The following FNDC3B variants were observed in gnomAD, a reference collection of about 807,000 sequenced individuals.
FNDC3B encodes fibronectin type III domain-containing protein 3B.
A neutral mutation model predicts 151.5 loss-of-function variants in FNDC3B; 12 were observed. The ratio of observed to expected loss-of-function variants is 0.08; its 90% CI spans 0.05 to 0.13. The LOEUF is 0.13. Ranked by LOEUF, FNDC3B falls within the 10% of genes least tolerant of loss-of-function variation. FNDC3B has a pLI of 1.00. For missense variants in FNDC3B, 1,214 were observed against 1,505.3 expected (o/e 0.81, Z 3.20); for synonymous variants, 528 against 549.0 (o/e 0.96, Z 0.54).
chr3:172,192,069 T>G (rs188250157), intron 3 of FNDC3B, among the ~76,000 whole-genome samples: 90 of 152,236 alleles, frequency 5.9e-4, no homozygotes, highest in African/African-American at 2.0e-3. Context: ...AACTCAATTT[T>G]AAGTTTACCT....
At chr3:172,161,516 AT>A (rs1182389950) in intron 3 of FNDC3B, among the ~76,000 whole-genome samples, 1 of 152,218 alleles carries the variant, frequency 6.6e-6, no homozygotes, top group East Asian at 1.9e-4. Context: ...CAGACCAAGA[AT>A]TGGAAACAAA....
chr3:172,377,696 G>A (rs1215011443), intron 23 of FNDC3B, among the ~76,000 whole-genome samples: 1 of 152,128 alleles, frequency 6.6e-6, no homozygotes, highest in Admixed American at 6.5e-5. Flanking sequence ...TCTGAACACA[G>A]CATTTTTTTT....
chr3:172,253,759 C>A (rs925076364), intron 6 of FNDC3B, among the ~76,000 whole-genome samples: 3 of 151,762 alleles, frequency 2.0e-5, no homozygotes, highest in Non-Finnish European at 4.4e-5. Context: ...AAGTTGTTCT[C>A]ATGGCCAGAA....
chr3:172,077,800 ATTTGGCATTAACATTTACC>A (rs1454159198), intron 1 of FNDC3B, among the ~76,000 whole-genome samples: 1 of 152,208 alleles, frequency 6.6e-6, no homozygotes, highest in Admixed American at 6.5e-5. Flanking sequence ...CTGGAATAGT[ATTTGGCATTAACATTTACC>A]TAAAAAATTA....
At chr3:172,123,776 T>C (rs945211884) in intron 2 of FNDC3B, among the ~76,000 whole-genome samples, 2 of 152,250 alleles carry the variant, frequency 1.3e-5, no homozygotes, top group Non-Finnish European at 2.9e-5. Context: ...ACTTGATGGC[T>C]TTAGTTATGA....
chr3:172,062,551 T>C (rs1457862502), intron 1 of FNDC3B, among the ~76,000 whole-genome samples: 1 of 152,192 alleles, frequency 6.6e-6, no homozygotes, highest in African/African-American at 2.4e-5. Flanking sequence ...CCCAAAGTGC[T>C]GCGATTACAG....
intron 13 of FNDC3B, among the ~76,000 whole-genome samples, chr3:172,331,554 G>T (rs773114959): frequency 6.6e-6 from 1 of 152,048 alleles, no homozygotes; most frequent in African/African-American, 2.4e-5. Flanking sequence ...TAGAGATGGG[G>T]TTTCACCATG....
At chr3:172,171,384 CTTG>C (rs1723274004) in intron 3 of FNDC3B, among the ~76,000 whole-genome samples, 1 of 151,946 alleles carries the variant, frequency 6.6e-6, no homozygotes, top group African/African-American at 2.4e-5. Flanking sequence ...TCATTTTTTC[CTTG>C]TTGTAGATGT....
chr3:172,330,365 G>GA, intron 12 of FNDC3B, 176 bp from the exon 13 acceptor site: 1 of 523,318 alleles, frequency 1.9e-6, no homozygotes, highest in Non-Finnish European at 3.4e-6. Context: ...ATGGGGTGGG[G>GA]GGATGGGGAA....
rs1736476367 is a variant in FNDC3B at position 172,399,699 on chromosome 3, C to G, written c.*2224C>G. 1 of 152,580 alleles carries G rather than the reference C, an allele frequency of 6.6e-6. No individual in the cohort carries two copies. Among genetic ancestry groups the G allele is most frequent in the Non-Finnish European group, 1.5e-5 (1 of 68,026 alleles). 9.5% of individuals were successfully genotyped at this position (152,580 alleles called of 1,614,324 possible). On this transcript the variant is annotated 3_prime_UTR_variant, in exon 26 of 26. Transcript: ENST00000415807. ...TCTGCATTTTCTAAAAAATTCCATG[C>G]AGGTGTTTTGGGGAGAGGTATTTTT...
chr3:172,141,978 C>T (rs993892023), intron 3 of FNDC3B, among the ~76,000 whole-genome samples: 26 of 152,120 alleles, frequency 1.7e-4, no homozygotes, highest in Admixed American at 1.4e-3. Flanking sequence ...AGTGAGATTG[C>T]CTGGCTCAAA....
intron 3 of FNDC3B, among the ~76,000 whole-genome samples, chr3:172,146,160 G>C (rs916998182): frequency 6.6e-6 from 1 of 152,120 alleles, no homozygotes; most frequent in African/African-American, 2.4e-5. Flanking sequence ...AAAAAGCATG[G>C]CACTATCATC....
intron 3 of FNDC3B, among the ~76,000 whole-genome samples, chr3:172,176,009 A>G (rs1164833942): frequency 1.3e-5 from 2 of 152,250 alleles, no homozygotes; most frequent in Admixed American, 6.5e-5. Flanking sequence ...AAAGCTCAGC[A>G]TAGGTGTGCA....
chr3:172,219,891 G>A (rs1726181620), intron 3 of FNDC3B, among the ~76,000 whole-genome samples: 1 of 152,072 alleles, frequency 6.6e-6, no homozygotes, highest in Non-Finnish European at 1.5e-5. Context: ...TTTGAGTATT[G>A]TGAACATGAA....
intron 2 of FNDC3B, among the ~76,000 whole-genome samples, chr3:172,133,007 A>T (rs1015082434): frequency 2.6e-5 from 4 of 152,130 alleles, no homozygotes; most frequent in Admixed American, 2.6e-4. Context: ...TTTTATAAAA[A>T]TTTTTCTTGT....
intron 3 of FNDC3B, among the ~76,000 whole-genome samples, chr3:172,205,392 A>G (rs1287625776): frequency 6.6e-6 from 1 of 152,126 alleles, no homozygotes; most frequent in African/African-American, 2.4e-5. Flanking sequence ...TGTGCCAGGT[A>G]CTCTTCTAAG....
At chr3:172,202,217 A>G (rs189388248) in intron 3 of FNDC3B, among the ~76,000 whole-genome samples, 103 of 152,144 alleles carry the variant, frequency 6.8e-4, no homozygotes, top group African/African-American at 2.3e-3. Context: ...CCCTCTCTTT[A>G]ATGACTCTTT....
chr3:172,069,499 G>C (rs1178587255), intron 1 of FNDC3B, among the ~76,000 whole-genome samples: 6 of 152,112 alleles, frequency 3.9e-5, no homozygotes, highest in Non-Finnish European at 8.8e-5. Flanking sequence ...TAAGTTCTGG[G>C]ATACATGTAC....
chr3:172,092,706 A>G (rs1264443726), intron 1 of FNDC3B, among the ~76,000 whole-genome samples: 1 of 152,246 alleles, frequency 6.6e-6, no homozygotes, highest in Non-Finnish European at 1.5e-5. Flanking sequence ...AGAGGAGGAG[A>G]GAATAGCAAG....
Sources: allele counts gnomAD v4.1 joint callset (sites outside exome capture counted in the v4.1 genomes callset), GRCh38; gene constraint gnomAD v4.1.1; transcripts MANE v1.5; gene names NCBI Gene and HGNC (gene_info 2026-07-23, HGNC 2026-07-21).